The following SMC3 variants were observed in gnomAD, a reference collection of about 807,000 sequenced individuals.
SMC3 encodes structural maintenance of chromosomes 3.
In SMC3, 20 loss-of-function variants were observed where a neutral mutation model predicts 171.8. The ratio of observed to expected loss-of-function variants is 0.12; its 90% CI spans 0.08 to 0.17. The LOEUF (loss-of-function observed/expected upper bound fraction) is 0.17. Among genes scored for constraint, SMC3 ranks in the 10% least tolerant of loss-of-function variants. SMC3 has a pLI of 1.00. For missense variants in SMC3, 543 were observed against 1,420.4 expected (o/e 0.38, Z 9.93); for synonymous variants, 464 against 451.1 (o/e 1.03, Z -0.36).
intron 3 of SMC3, 144 bp downstream of exon 3, chr10:110,573,889 T>TA: frequency 1.5e-6 from 1 of 649,252 alleles, no homozygotes; most frequent in Non-Finnish European, 2.8e-6. Context: ...GTAGAGGGTT[T>TA]AGAGTATACA....
chr10:110,586,501 T>G lies in SMC3; in HGVS notation c.1305+2105T>G, dbSNP rs1861118639. Among the ~76,000 whole-genome samples, 4 of 152,358 alleles carry G rather than the reference T, an allele frequency of 2.6e-5. No individual in the cohort carries two copies. The Middle Eastern group carries it at 0.014, about 518-fold the overall frequency. On this transcript the variant is annotated intron_variant, in intron 13 of 28. Transcript: ENST00000361804. ...AACCAACCTCAGCAGATGCCCTTTTTGAAGGTGCCTCCAGTGAGAGAATTT... is the reference window on the plus strand; with the variant it reads ...AACCAACCTCAGCAGATGCCCTTTTGGAAGGTGCCTCCAGTGAGAGAATTT...
At chr10:110,585,653 A>T (rs1861101792) in intron 13 of SMC3, among the ~76,000 whole-genome samples, 1 of 150,894 alleles carries the variant, frequency 6.6e-6, no homozygotes. Context: ...TTTAGTTGTC[A>T]TGTTTCTTTT....
At chr10:110,577,787 T>C in intron 5 of SMC3, 48 bp from the exon 6 acceptor site, 2 of 1,328,336 alleles carry the variant, frequency 1.5e-6, no homozygotes, top group South Asian at 2.5e-5. Context: ...TTAAAAAGTT[T>C]TCTCCTTTAC....
At chr10:110,568,819 C>A in intron 1 of SMC3, 119 bp from the exon 2 acceptor site, 5 of 537,754 alleles carry the variant, frequency 9.3e-6, no homozygotes, top group African/African-American at 2.1e-5. Context: ...ATGAATTTTT[C>A]TTATATGAAA....
At chr10:110,600,969 A>G (rs1861377577) in intron 22 of SMC3, 53 bp from the exon 23 acceptor site, 2 of 1,285,418 alleles carry the variant, frequency 1.6e-6, no homozygotes. Flanking sequence ...GCCATAGAAA[A>G]TGTTGGCAGT....
intron 7 of SMC3, among the ~76,000 whole-genome samples, chr10:110,580,558 C>T (rs1861016288): frequency 6.6e-6 from 1 of 152,080 alleles, no homozygotes; most frequent in Non-Finnish European, 1.5e-5. Flanking sequence ...ATGACATTAG[C>T]CAAATCATAA....
chr10:110,584,298 G>A lies in SMC3; in HGVS notation c.1207G>A (p.Asp403Asn). The change falls in exon 13 of 29, where the codon GAT (aspartate) becomes AAT (asparagine). Residue 403 changes from aspartate (D) to asparagine (N), a missense_variant. Asp to Asn is a conservative substitution (Grantham distance 23). Around this residue, in one of 8 missense-constraint regions of SMC3, gnomAD observed 218 missense variants for 509.6 expected, o/e 0.43. Transcript: ENST00000361804. The part of the protein sequence containing the change: ...KWIKKELKSL[D>N]QAINDKKRQI... ...GATTAAAAAGGAACTCAAGTCTTTAGATCAGGCTATTAATGACAAGAAAAG... is the reference window on the plus strand; with the variant it reads ...GATTAAAAAGGAACTCAAGTCTTTAAATCAGGCTATTAATGACAAGAAAAG... 1.2e-6 allele frequency: 2 copies of A among 1,613,880 alleles called. No homozygotes were observed. Among genetic ancestry groups the A allele is most frequent in the Non-Finnish European group, 1.7e-6 (2 of 1,179,776 alleles).
chr10:110,601,122 G>T lies in SMC3; in HGVS notation c.2636G>T (p.Arg879Leu). 6.2e-7 allele frequency: 1 copy of T among 1,611,688 alleles called. No homozygotes were observed. The change falls in exon 23 of 29, where the codon CGA becomes CTA. Residue 879 changes from arginine (R) to leucine (L), a missense_variant. Around this residue, in one of 8 missense-constraint regions of SMC3, gnomAD observed 81 missense variants for 184.2 expected, o/e 0.44. Transcript: ENST00000361804. Reference protein sequence around the residue: ...INKRVKDTMARSEDLDNSIDK... With the variant: ...INKRVKDTMALSEDLDNSIDK... ...AAAAGAGTAAAAGACACTATGGCAC[G>T]ATCAGAAGGTGAATTTTTATGTAGT...
rs1350338348 is a variant in SMC3 at position 110,567,828 on chromosome 10, G to T, written c.12G>T (p.Lys4Asn). The change falls in exon 1 of 29, where the codon AAG becomes AAT. Residue 4 changes from lysine (K) to asparagine (N), a missense_variant. Coordinates refer to ENST00000361804, the MANE Select transcript of SMC3 (RefSeq NM_005445.4). Reference sequence around the variant, plus strand: ...AGGGGCCCGGAATCATGTACATAAAGCAGGTAAGGCCTTCGCGTCCCTCCA... The same window carrying T: ...AGGGGCCCGGAATCATGTACATAAATCAGGTAAGGCCTTCGCGTCCCTCCA... MYI[K>N]QVIIQGFRSY... The T allele has an allele frequency of 6.2e-7, 1 of 1,613,404 alleles. No homozygotes were observed.
intron 2 of SMC3, among the ~76,000 whole-genome samples, chr10:110,570,105 G>T (rs78208228): frequency 6.6e-6 from 1 of 152,154 alleles, no homozygotes; most frequent in Non-Finnish European, 1.5e-5. Context: ...TTAGGTTCTC[G>T]TGAGGCTCTC....
intron 17 of SMC3, 30 bp downstream of exon 17, chr10:110,591,162 T>A (rs1407042006): frequency 1.2e-6 from 2 of 1,604,638 alleles, no homozygotes; most frequent in Non-Finnish European, 1.7e-6. Context: ...GGTGTATTTC[T>A]CTTTTATAAT....
At chr10:110,603,597 G>C (rs1332187226) in intron 28 of SMC3, among the ~76,000 whole-genome samples, 1 of 152,104 alleles carries the variant, frequency 6.6e-6, no homozygotes, top group Non-Finnish European at 1.5e-5. Flanking sequence ...AGCTCTTCCT[G>C]GGTGTCTTCC....
intron 28 of SMC3, among the ~76,000 whole-genome samples, chr10:110,603,900 C>T (rs1052520893): frequency 6.6e-6 from 1 of 151,964 alleles, no homozygotes; most frequent in East Asian, 1.9e-4. Flanking sequence ...TTGAGACCAA[C>T]GTGGCCAGTA....
chr10:110,597,811 G>A (rs1861324404), intron 19 of SMC3, among the ~76,000 whole-genome samples: 1 of 152,156 alleles, frequency 6.6e-6, no homozygotes, highest in Admixed American at 6.5e-5. Flanking sequence ...AACATTTGTT[G>A]AATGAAAAGA....
chr10:110,578,568 C>T, intron 6 of SMC3, 60 bp from the exon 7 acceptor site: 5 of 1,233,966 alleles, frequency 4.1e-6, no homozygotes, highest in Non-Finnish European at 4.7e-6. Flanking sequence ...CTACTCTACT[C>T]ATTGCTTAAT....
chr10:110,605,951 ACTT>A lies in SMC3; in HGVS notation c.*1653_*1655del, dbSNP rs976614532. Among the ~76,000 whole-genome samples the A allele has an allele frequency of 1.9e-4, 29 of 152,290 alleles. No homozygotes were observed. The highest frequency in any genetic ancestry group is 6.2e-4 in the South Asian group (3 of 4,830). Reference sequence around the variant, plus strand: ...GTTACAAACATAACATCATTCTAGAACTTCTTAATATTGTTCTTAAGCATTTCC... The same window carrying A: ...GTTACAAACATAACATCATTCTAGAACTTAATATTGTTCTTAAGCATTTCC... On this transcript the variant is annotated 3_prime_UTR_variant, in exon 29 of 29. Transcript: ENST00000361804.
chr10:110,588,708 A>G (rs1341313190), intron 13 of SMC3, among the ~76,000 whole-genome samples: 4 of 152,180 alleles, frequency 2.6e-5, no homozygotes, highest in South Asian at 2.1e-4. Context: ...CAGTGAGGCT[A>G]TTGGATTTTT....
At chr10:110,576,131 A>T (rs1032525410) in intron 4 of SMC3, among the ~76,000 whole-genome samples, 1 of 152,318 alleles carries the variant, frequency 6.6e-6, no homozygotes, top group East Asian at 1.9e-4. Context: ...AGTTGAGCAA[A>T]ATGATCTAAC....
intron 4 of SMC3, 116 bp downstream of exon 4, chr10:110,575,519 A>G (rs1411062177): frequency 7.5e-6 from 6 of 804,850 alleles, no homozygotes; most frequent in African/African-American, 1.7e-5. Flanking sequence ...ACAAGACACA[A>G]TCTTTCTCAT....
Sources: gnomAD v4.1 joint callset for allele counts (sites outside exome capture counted in the v4.1 genomes callset) on GRCh38, gnomAD v4.1.1 for gene constraint, gnomAD v4.1.1 regional missense constraint, MANE v1.5 for transcripts, NCBI Gene and HGNC (gene_info 2026-07-23, HGNC 2026-07-21) for gene names.